The following EPHA6 variants were observed in gnomAD, a reference collection of about 807,000 sequenced individuals.
EPHA6 encodes the protein ephrin type-A receptor 6.
A neutral mutation model predicts 112.0 loss-of-function variants in EPHA6; 50 were observed. The ratio of observed to expected loss-of-function variants is 0.45; its 90% confidence interval spans 0.36 to 0.56. The LOEUF is 0.56. Among genes scored for constraint, EPHA6 ranks in the 20% least tolerant of loss-of-function variants. EPHA6 has a pLI of 0.00. For missense variants in EPHA6, 1,280 were observed against 1,417.4 expected (o/e 0.90, Z 1.56); for synonymous variants, 529 against 490.7 (o/e 1.08, Z -1.03).
At chr3:97,642,142 G>A (rs541675127) in intron 14 of EPHA6, among the ~76,000 whole-genome samples, 2,128 of 126,776 alleles carry the variant, frequency 0.017, 71 homozygotes, top group African/African-American at 0.06. Context: ...CCTGACCCCC[G>A]AGCAGCCTAA....
At chr3:97,495,377 T>C (rs1487648193) in intron 10 of EPHA6, among the ~76,000 whole-genome samples, 4 of 151,504 alleles carry the variant, frequency 2.6e-5, no homozygotes, top group African/African-American at 9.7e-5. Context: ...TTTGTATAGA[T>C]AGGTAAAGAA....
intron 5 of EPHA6, among the ~76,000 whole-genome samples, chr3:97,314,620 G>A (rs1420738250): frequency 6.6e-6 from 1 of 151,602 alleles, no homozygotes; most frequent in Non-Finnish European, 1.5e-5. Flanking sequence ...TCAAATACAA[G>A]ACAGGTAACA....
chr3:97,306,380 T>C (rs1450133993), intron 5 of EPHA6, among the ~76,000 whole-genome samples: 1 of 150,608 alleles, frequency 6.6e-6, no homozygotes, highest in Non-Finnish European at 1.5e-5. Flanking sequence ...TCTCCAGACC[T>C]GCCCTTAAGG....
At chr3:97,239,248 G>A (rs2108571719) in intron 4 of EPHA6, among the ~76,000 whole-genome samples, 1 of 151,958 alleles carries the variant, frequency 6.6e-6, no homozygotes, top group Non-Finnish European at 1.5e-5. Flanking sequence ...CATTATTTAA[G>A]GGAGTCTCCT....
chr3:97,158,465 A>G (rs1012168915), intron 3 of EPHA6, among the ~76,000 whole-genome samples: 1 of 152,190 alleles, frequency 6.6e-6, no homozygotes, highest in Admixed American at 6.5e-5. Context: ...TCAGTCGAGA[A>G]AAATGATGAG....
chr3:97,100,081 G>T (rs2047358260), intron 3 of EPHA6, among the ~76,000 whole-genome samples: 1 of 151,730 alleles, frequency 6.6e-6, no homozygotes, highest in African/African-American at 2.4e-5. Context: ...TATTGTATTG[G>T]CCAAAGCAAC....
intron 1 of EPHA6, among the ~76,000 whole-genome samples, chr3:96,837,644 A>G (rs1338457092): frequency 1.3e-5 from 2 of 152,080 alleles, no homozygotes; most frequent in Non-Finnish European, 2.9e-5. Flanking sequence ...TTTCAGTACG[A>G]TGTCTTTAAT....
intron 1 of EPHA6, among the ~76,000 whole-genome samples, chr3:96,836,461 A>G (rs536967252): frequency 3.9e-5 from 6 of 152,282 alleles, no homozygotes; most frequent in African/African-American, 1.4e-4. Flanking sequence ...TGTTGTAGCA[A>G]TGGAATACTG....
chr3:97,701,032 A>G (rs1276760144), intron 14 of EPHA6, among the ~76,000 whole-genome samples: 2 of 152,194 alleles, frequency 1.3e-5, no homozygotes, highest in Non-Finnish European at 2.9e-5. Flanking sequence ...GTTGGTGAGA[A>G]GAGCACAGTA....
chr3:96,914,139 A>G (rs897701238), intron 2 of EPHA6, among the ~76,000 whole-genome samples: 9 of 152,290 alleles, frequency 5.9e-5, no homozygotes, highest in African/African-American at 2.2e-4. Context: ...CCGGCACAAA[A>G]GAATGCATAA....
At chr3:97,523,706 G>A (rs1162180179) in intron 10 of EPHA6, among the ~76,000 whole-genome samples, 2 of 151,692 alleles carry the variant, frequency 1.3e-5, no homozygotes, top group African/African-American at 4.8e-5. Flanking sequence ...ATTTATTAAT[G>A]TTTGCTTTAT....
chr3:96,877,929 A>AT (rs200140200), intron 2 of EPHA6, among the ~76,000 whole-genome samples: 4 of 128,520 alleles, frequency 3.1e-5, no homozygotes, highest in Non-Finnish European at 4.9e-5. Flanking sequence ...ATATATATAT[A>AT]TTTTTTTTTT....
intron 14 of EPHA6, among the ~76,000 whole-genome samples, chr3:97,675,260 C>T (rs1179986270): frequency 6.6e-6 from 1 of 152,124 alleles, no homozygotes; most frequent in Non-Finnish European, 1.5e-5. Context: ...AGGTGGATCA[C>T]TTAAGGTCAG....
At chr3:97,501,936 C>G (rs930027042) in intron 10 of EPHA6, among the ~76,000 whole-genome samples, 1 of 151,814 alleles carries the variant, frequency 6.6e-6, no homozygotes, top group African/African-American at 2.4e-5. Flanking sequence ...CTGGCAAGTC[C>G]AGTTTCTCAG....
intron 5 of EPHA6, among the ~76,000 whole-genome samples, chr3:97,367,413 G>A (rs531849758): frequency 6.6e-6 from 1 of 152,196 alleles, no homozygotes; most frequent in South Asian, 2.1e-4. Context: ...CACCTCCTGC[G>A]TGTTATTTCT....
chr3:96,837,999 A>G (rs1246728178), intron 1 of EPHA6, among the ~76,000 whole-genome samples: 6 of 152,036 alleles, frequency 3.9e-5, no homozygotes, highest in Non-Finnish European at 7.4e-5. Context: ...CCCAGCATCC[A>G]TTAGCTATTC....
At chr3:97,641,327 A>G (rs1268470015) in intron 14 of EPHA6, among the ~76,000 whole-genome samples, 1 of 152,212 alleles carries the variant, frequency 6.6e-6, no homozygotes, top group Non-Finnish European at 1.5e-5. Context: ...CTTAAAAAGA[A>G]TGAAATAGTT....
intron 2 of EPHA6, among the ~76,000 whole-genome samples, chr3:96,963,879 A>G (rs1412180411): frequency 1.3e-5 from 2 of 152,194 alleles, no homozygotes; most frequent in African/African-American, 2.4e-5. Context: ...ATTTGCCACA[A>G]TGAGAAGGAA....
intron 2 of EPHA6, among the ~76,000 whole-genome samples, chr3:96,980,502 T>G (rs1247892126): frequency 6.6e-6 from 1 of 152,212 alleles, no homozygotes; most frequent in East Asian, 1.9e-4. Context: ...TCCAGCTTTG[T>G]TCTTTTGGCT....
Sources: allele counts gnomAD v4.1 joint callset (sites outside exome capture counted in the v4.1 genomes callset), GRCh38; gene constraint gnomAD v4.1.1; transcripts MANE v1.5; gene names NCBI Gene and HGNC (gene_info 2026-07-23, HGNC 2026-07-21).